PCDH7: variants seen among roughly 807,000 people sequenced by gnomAD.
PCDH7 encodes the protein protocadherin-7.
In PCDH7, 17 loss-of-function variants were observed where a neutral mutation model predicts 58.9. That is an observed-to-expected ratio of 0.29 (90% CI 0.20 to 0.43). The LOEUF (loss-of-function observed/expected upper bound fraction) is 0.43. Among genes scored for constraint, PCDH7 ranks in the 20% least tolerant of loss-of-function variants. The probability of loss-of-function intolerance (pLI) is 1.00; values close to 1 mark genes in which losing one functional copy is unlikely to be tolerated. For synonymous variants in PCDH7, 664 were observed against 616.4 expected, an observed-to-expected ratio of 1.08 and a Z score of -1.14; for missense variants, 1,274 against 1,441.0, an observed-to-expected ratio of 0.88 and a Z score of 1.88.
chr4:30,840,097 A>G (rs1731017474), intron 1 of PCDH7, among the ~76,000 whole-genome samples: 1 of 151,302 alleles, frequency 6.6e-6, no homozygotes. Flanking sequence ...TGAACAAAAT[A>G]TTTGCACCAC....
intron 3 of PCDH7, among the ~76,000 whole-genome samples, chr4:30,994,898 T>C (rs1018898948): frequency 6.6e-6 from 1 of 152,140 alleles, no homozygotes; most frequent in African/African-American, 2.4e-5. Flanking sequence ...ATCATGACAA[T>C]TAAGCAGTTG....
At chr4:31,103,529 G>T (rs1306287602) in intron 3 of PCDH7, among the ~76,000 whole-genome samples, 1 of 151,754 alleles carries the variant, frequency 6.6e-6, no homozygotes, top group Non-Finnish European at 1.5e-5. Context: ...AGAGAGACAG[G>T]GTTTCACCAT....
rs542135331 is a variant in PCDH7, at chr4:30,949,913, A to C, written c.288-207A>C. On this transcript the variant is annotated intron_variant, in intron 2 of 3. Coordinates refer to the PCDH7 transcript ENST00000509759. Reference sequence around the variant, plus strand: ...ACTGGGTCCCTGGATTTGGAGAATCATAGTTGAAAGACTGTTCAAATTAAC... The same window carrying C: ...ACTGGGTCCCTGGATTTGGAGAATCCTAGTTGAAAGACTGTTCAAATTAAC... 6.6e-5 allele frequency among the ~76,000 whole-genome samples: 10 copies of C among 152,286 alleles called. No homozygotes were observed. In the East Asian group the frequency reaches 1.7e-3, roughly 26 times the overall value.
chr4:30,897,161 C>G (rs1739554371), intron 1 of PCDH7, among the ~76,000 whole-genome samples: 1 of 152,058 alleles, frequency 6.6e-6, no homozygotes, highest in Non-Finnish European at 1.5e-5. Context: ...GCCTCGGCCT[C>G]CCAAAGTGCT....
rs573760652 is a variant in PCDH7, at chr4:31,024,796, T to C, written c.*7+74581T>C. 4.9e-4 allele frequency among the ~76,000 whole-genome samples: 74 copies of C among 152,240 alleles called. 1 individual carries two copies. Among genetic ancestry groups the C allele is most frequent in the African/African-American group, 1.8e-3 (73 of 41,546 alleles). Reference sequence around the variant, plus strand: ...TCACTCTGTTGCCTAGGCTGGAGTATGGTGATGCGATCTCCACTCGCTGCA... The same window carrying C: ...TCACTCTGTTGCCTAGGCTGGAGTACGGTGATGCGATCTCCACTCGCTGCA... On this transcript the variant is annotated intron_variant, in intron 3 of 3. Transcript: ENST00000509759.
At chr4:30,941,285 A>C (rs769579038) in intron 2 of PCDH7, among the ~76,000 whole-genome samples, 15 of 151,910 alleles carry the variant, frequency 9.9e-5, no homozygotes, top group Non-Finnish European at 1.9e-4. Flanking sequence ...CCATTCCTTG[A>C]AGTTTAAGAT....
intron 2 of PCDH7, among the ~76,000 whole-genome samples, chr4:30,937,375 T>A (rs937685777): frequency 6.6e-6 from 1 of 152,154 alleles, no homozygotes; most frequent in Non-Finnish European, 1.5e-5. Flanking sequence ...TTTTATAATA[T>A]GTGATTCAAT....
At chr4:30,861,522 C>A (rs1206245924) in intron 1 of PCDH7, among the ~76,000 whole-genome samples, 1 of 152,238 alleles carries the variant, frequency 6.6e-6, no homozygotes, top group African/African-American at 2.4e-5. Context: ...TCCCTTATTT[C>A]AACACTTGTG....
chr4:30,932,183 T>C (rs181628725), intron 2 of PCDH7, among the ~76,000 whole-genome samples: 1 of 152,152 alleles, frequency 6.6e-6, no homozygotes, highest in African/African-American at 2.4e-5. Flanking sequence ...ATCACGGAAA[T>C]AGAATCTGAA....
At chr4:30,882,626 T>A (rs1463974623) in intron 1 of PCDH7, among the ~76,000 whole-genome samples, 1 of 152,152 alleles carries the variant, frequency 6.6e-6, no homozygotes, top group African/African-American at 2.4e-5. Flanking sequence ...GTAAAATAAA[T>A]ACAATATGCA....
Position 31,124,167 on chromosome 4 carries a change from C to A in PCDH7, c.*8-18306C>A, listed in dbSNP as rs116251714. Among the ~76,000 whole-genome samples, 1,180 of 152,276 alleles carry A rather than the reference C, an allele frequency of 7.7e-3. 19 individuals carry two copies. The highest frequency in any genetic ancestry group is 0.027 in the African/African-American group (1,114 of 41,566). ...TCCAGCCTCGAGGGTGGAGCCCTCA[C>A]CAGGGACCTTGCACTCTTCTACGCA... On this transcript the variant is annotated intron_variant, in intron 3 of 3. Coordinates refer to the PCDH7 transcript ENST00000509759.
intron 3 of PCDH7, among the ~76,000 whole-genome samples, chr4:31,128,121 A>G (rs541217314): frequency 1.3e-5 from 2 of 151,540 alleles, no homozygotes; most frequent in African/African-American, 4.9e-5. Context: ...ATATACACAT[A>G]TATATGTATG....
intron 3 of PCDH7, among the ~76,000 whole-genome samples, chr4:31,123,144 A>T (rs2109326261): frequency 6.6e-6 from 1 of 152,222 alleles, no homozygotes; most frequent in Non-Finnish European, 1.5e-5. Flanking sequence ...AAAGAAATGT[A>T]TTTGGTACTA....
intron 3 of PCDH7, among the ~76,000 whole-genome samples, chr4:31,103,645 A>G (rs1212285922): frequency 1.3e-5 from 2 of 152,116 alleles, no homozygotes; most frequent in Admixed American, 6.6e-5. Context: ...GTCTTTAAAA[A>G]TGTTGCTCTG....
At chr4:30,801,453 G>A (rs1725511511) in intron 1 of PCDH7, among the ~76,000 whole-genome samples, 1 of 152,004 alleles carries the variant, frequency 6.6e-6, no homozygotes, top group Admixed American at 6.6e-5. Context: ...AGAATCAGGG[G>A]AAAATTGTGA....
rs533691970 is a variant in PCDH7 at position 30,763,121 on chromosome 4, G to C, written c.70+38525G>C. 7.2e-4 allele frequency among the ~76,000 whole-genome samples: 110 copies of C among 152,258 alleles called. 1 individual carries two copies. Among genetic ancestry groups the C allele is most frequent in the African/African-American group, 2.5e-3 (105 of 41,572 alleles). ...GCCTGTAATCCCAGCTACTCAGGAGGCTGAGGCAGGAGAATCGCTTGAACC... is the reference window on the plus strand; with the variant it reads ...GCCTGTAATCCCAGCTACTCAGGAGCCTGAGGCAGGAGAATCGCTTGAACC... On this transcript the variant is annotated intron_variant, in intron 1 of 3. Transcript: ENST00000509759.
chr4:30,970,037 G>A (rs761271638), intron 3 of PCDH7, among the ~76,000 whole-genome samples: 6 of 152,192 alleles, frequency 3.9e-5, no homozygotes, highest in Non-Finnish European at 8.8e-5. Flanking sequence ...GAGGCTTAGA[G>A]TTACTCATTT....
At chr4:30,779,482 T>G (rs1243901840) in intron 1 of PCDH7, among the ~76,000 whole-genome samples, 1 of 152,210 alleles carries the variant, frequency 6.6e-6, no homozygotes, top group Non-Finnish European at 1.5e-5. Flanking sequence ...AACTTTCTAA[T>G]GGTCAGAAAG....
chr4:30,909,199 G>A (rs1741397467), intron 1 of PCDH7, among the ~76,000 whole-genome samples: 2 of 152,148 alleles, frequency 1.3e-5, no homozygotes, highest in East Asian at 3.9e-4. Context: ...TAAGAACTAT[G>A]TATGACAAAC....
Sources: allele counts gnomAD v4.1 joint callset (sites outside exome capture counted in the v4.1 genomes callset), GRCh38; gene constraint gnomAD v4.1.1; transcripts MANE v1.5; gene names NCBI Gene and HGNC (gene_info 2026-07-23, HGNC 2026-07-21).